Variants in ZNF485 observed in about 807,000 individuals in gnomAD.
ZNF485 encodes the protein Zinc finger protein 93 (Zinc finger protein HTF34).
A neutral mutation model predicts 10.8 loss-of-function variants in ZNF485; 9 were observed. The observed-to-expected ratio is 0.83, with a 90% CI of 0.50 to 1.45. The LOEUF is 1.45. ZNF485 is among the 40% of genes most tolerant of loss of function. The pLI, the probability that ZNF485 is intolerant of heterozygous loss-of-function variation, is 0.00. For synonymous variants in ZNF485, 187 were observed against 181.0 expected (o/e 1.03, Z -0.27); for missense variants, 487 against 528.0 (o/e 0.92, Z 0.76).
At chr10:43,615,063 T>C (rs1838828977) in intron 4 of ZNF485, among the ~76,000 whole-genome samples, 1 of 152,258 alleles carries the variant, frequency 6.6e-6, no homozygotes, top group South Asian at 2.1e-4. Context: ...GGGCTGTTTC[T>C]GACTGGGCTT....
rs763719589 is a variant in ZNF485 at position 43,616,637 on chromosome 10, C to G, written c.594C>G (p.His198Gln). Residue 198 changes from histidine to glutamine, a missense_variant, in exon 5 of 5, where the codon CAC (histidine) becomes CAG (glutamine). Transcript: ENST00000361807. Reference sequence around the variant, plus strand: ...AATGTGGGAAGTTCCTGAAGAAGCACTCAACGTTTATCAACCATCAGAGAA... The same window carrying G: ...AATGTGGGAAGTTCCTGAAGAAGCAGTCAACGTTTATCAACCATCAGAGAA... The part of the protein sequence containing the change: ...CIECGKFLKK[H>Q]STFINHQRIH... 1 of 1,614,194 alleles carries G rather than the reference C, an allele frequency of 6.2e-7. No homozygotes were observed. The highest frequency in any genetic ancestry group is 1.6e-4 in the Middle Eastern group (1 of 6,062).
Position 43,616,605 on chromosome 10 carries a change from T to G in ZNF485, c.562T>G (p.Cys188Gly). ...KVHAGKQPYR[C>G]IECGKFLKKH... The stretch of plus-strand genomic sequence containing the variant: ...TCATGCAGGCAAACAGCCTTATAGA[T>G]GTATTGAATGTGGGAAGTTCCTGAA... The change falls in exon 5 of 5, where the codon TGT (cysteine) becomes GGT (glycine). Residue 188 changes from cysteine to glycine, a missense_variant. Transcript: ENST00000361807. 6.2e-7 allele frequency: 1 copy of G among 1,614,240 alleles called. No homozygotes were observed. The highest frequency in any genetic ancestry group is 8.5e-7 in the Non-Finnish European group (1 of 1,180,032).
intron 4 of ZNF485, among the ~76,000 whole-genome samples, chr10:43,612,881 T>G (rs1379416099): frequency 6.6e-6 from 1 of 152,216 alleles, no homozygotes; most frequent in African/African-American, 2.4e-5. Flanking sequence ...TACTTTCTCC[T>G]AAACATTTTA....
intron 4 of ZNF485, among the ~76,000 whole-genome samples, chr10:43,612,981 A>G (rs1838793981): frequency 6.6e-6 from 1 of 152,162 alleles, no homozygotes; most frequent in Non-Finnish European, 1.5e-5. Context: ...TTTTAGTTAT[A>G]TTCAGTAGGT....
At chr10:43,607,583 C>G (rs1369818735) in intron 2 of ZNF485, among the ~76,000 whole-genome samples, 3 of 152,082 alleles carry the variant, frequency 2.0e-5, no homozygotes, top group Non-Finnish European at 2.9e-5. Flanking sequence ...CTGGAGTTTG[C>G]TTTTATCCTG....
intron 4 of ZNF485, among the ~76,000 whole-genome samples, chr10:43,615,833 C>T (rs955480860): frequency 3.3e-5 from 5 of 152,146 alleles, no homozygotes; most frequent in Non-Finnish European, 5.9e-5. Context: ...TATTGGTTCA[C>T]TCTTAAATCC....
Position 43,616,552 on chromosome 10 carries a change from GTT to G in ZNF485, c.510_511del (p.Ser171IlefsTer7), listed in dbSNP as rs1184240572. 1.2e-6 allele frequency: 2 copies of G among 1,614,094 alleles called. No individual in the cohort carries two copies. The highest frequency in any genetic ancestry group is 2.7e-5 in the African/African-American group (2 of 74,938). On this transcript the variant is annotated frameshift_variant, in exon 5 of 5. Transcript: ENST00000361807. LOFTEE classifies it low-confidence loss of function (END_TRUNC). ...GAATGTGGGATCGCCTTTATGAACA[GTT>G]CATCCCTTTTAAATCACCATAAGGT...
At position 43,608,464 on chromosome 10, in the gene ZNF485, G is replaced by A. The variant is rs569431170; in HGVS notation, c.25-150G>A. 2.8e-4 allele frequency: 284 copies of A among 1,006,456 alleles called. 3 individuals carry two copies. In the South Asian group the frequency reaches 4.5e-3, roughly 16 times the overall value. The allele number at this position is 1,006,456 out of a possible 1,614,324, so 62.3% of individuals were successfully genotyped here. ...GAAGAACCTGCTCAAGGGAGGAGTC[G>A]CACATCCCCTGAGCCCTCAGCTTTT... On this transcript the variant is annotated intron_variant, in intron 2 of 4. Transcript: ENST00000361807.
At position 43,616,411 on chromosome 10, in the gene ZNF485, G is replaced by A; in HGVS notation, c.368G>A (p.Arg123Lys). 5 of 1,614,186 alleles carry A rather than the reference G, an allele frequency of 3.1e-6. No homozygotes were observed. Among genetic ancestry groups the A allele is most frequent in the Middle Eastern group, 1.6e-4 (1 of 6,062 alleles). The change falls in exon 5 of 5, where the codon AGA becomes AAA. Residue 123 changes from arginine (R) to lysine (K), a missense_variant. Transcript: ENST00000361807. ...MMEKGLDWEG[R>K]SSTEKNYKCK... is the part of the protein sequence containing the mutation. ...GAAAAAGGCCTGGACTGGGAGGGCA[G>A]AAGCTCCACAGAGAAGAACTATAAG...
intron 3 of ZNF485, 99 bp from the exon 4 acceptor site, chr10:43,609,156 C>G (rs1838716016): frequency 1.1e-6 from 1 of 895,528 alleles, no homozygotes; most frequent in Admixed American, 2.3e-5. Context: ...CAAGTTGACA[C>G]TGAGGTCTGG....
Position 43,616,321 on chromosome 10 carries a change from C to T in ZNF485, c.278C>T (p.Ser93Leu). ...VEDYWFETKM[S>L]ALKQSTSEAS... ...GATTACTGGTTTGAAACAAAGATGT[C>T]AGCCCTAAAGCAAAGCACTTCTGAA... The change falls in exon 5 of 5, where the codon TCA becomes TTA. Residue 93 changes from serine (S) to leucine (L), a missense_variant. Ser to Leu is a moderately radical substitution (Grantham distance 145, BLOSUM62 -2). Transcript: ENST00000361807. 1 of 1,575,278 alleles carries T rather than the reference C, an allele frequency of 6.3e-7. No individual in the cohort carries two copies. Among genetic ancestry groups the T allele is most frequent in the South Asian group, 1.2e-5 (1 of 86,192 alleles).
At chr10:43,609,759 A>C (rs567007322) in intron 4 of ZNF485, among the ~76,000 whole-genome samples, 36 of 152,130 alleles carry the variant, frequency 2.4e-4, no homozygotes, top group Admixed American at 2.4e-3. Flanking sequence ...CTGCAACCTC[A>C]AAGTCTGGAC....
intron 1 of ZNF485, 37 bp from the exon 2 acceptor site, chr10:43,606,960 C>T (rs1283789196): frequency 6.6e-7 from 1 of 1,510,334 alleles, no homozygotes. Context: ...GGCTAGGGCA[C>T]GGAGGGACTT....
chr10:43,616,290 G>T lies in ZNF485; in HGVS notation c.248-1G>T, dbSNP rs759664532. 22 of 1,549,578 alleles carry T rather than the reference G, an allele frequency of 1.4e-5. No individual in the cohort carries two copies. Among genetic ancestry groups the T allele is most frequent in the Non-Finnish European group, 1.7e-5 (20 of 1,152,178 alleles). ...TTTGAATTTTTAAAATTTTCTTTCAGTCGAGGATTACTGGTTTGAAACAAA... is the reference window on the plus strand; with the variant it reads ...TTTGAATTTTTAAAATTTTCTTTCATTCGAGGATTACTGGTTTGAAACAAA... On this transcript the variant is annotated splice_acceptor_variant, in intron 4 of 4. Transcript: ENST00000361807. LOFTEE classifies it high-confidence loss of function.
chr10:43,608,545 T>C, intron 2 of ZNF485, 69 bp from the exon 3 acceptor site: 1 of 1,540,422 alleles, frequency 6.5e-7, no homozygotes, highest in South Asian at 1.2e-5. Flanking sequence ...TTTGACCACC[T>C]TGCTTCCTTC....
chr10:43,611,385 C>T (rs913223041), intron 4 of ZNF485, among the ~76,000 whole-genome samples: 2 of 151,952 alleles, frequency 1.3e-5, no homozygotes, highest in Non-Finnish European at 1.5e-5. Flanking sequence ...TTTTTGATGC[C>T]TGCATAGTGT....
At chr10:43,606,583 G>A (rs1367047454) in intron 1 of ZNF485, 37 bp downstream of exon 1, 10 of 289,096 alleles carry the variant, frequency 3.5e-5, no homozygotes, top group Non-Finnish European at 6.5e-5. Flanking sequence ...GGTCCCTGAA[G>A]CCTCGAGCCC....
rs747352472 is a variant in ZNF485, at chr10:43,616,934, A to G, written c.891A>G (p.Pro297=). Residue 297 remains proline, a synonymous_variant, in exon 5 of 5, where the codon CCA becomes CCG. Transcript: ENST00000361807. Reference sequence around the variant, plus strand: ...AGAAAATCCATACTGGTGAGAAGCCATATCAGTGTAATGAATGTGGAAAAG... The same window carrying G: ...AGAAAATCCATACTGGTGAGAAGCCGTATCAGTGTAATGAATGTGGAAAAG... ...EHQKIHTGEK[P]YQCNECGKAF... 11 of 1,614,154 alleles carry G rather than the reference A, an allele frequency of 6.8e-6. No homozygotes were observed. The highest frequency in any genetic ancestry group is 9.3e-6 in the Non-Finnish European group (11 of 1,180,044).
rs1838890283 is a variant in ZNF485 at position 43,617,564 on chromosome 10, C to A, written c.*195C>A. 2 of 503,882 alleles carry A rather than the reference C, an allele frequency of 4.0e-6. No homozygotes were observed. Among genetic ancestry groups the A allele is most frequent in the Non-Finnish European group, 6.9e-6 (2 of 290,008 alleles). 31.2% of individuals were successfully genotyped at this position (503,882 alleles called of 1,614,324 possible). ...TCAGTATGGAAGTAGTTATAGCATACTGTGTGCTAATTGAAAAGAATGAGG... is the reference window on the plus strand; with the variant it reads ...TCAGTATGGAAGTAGTTATAGCATAATGTGTGCTAATTGAAAAGAATGAGG... On this transcript the variant is annotated 3_prime_UTR_variant, in exon 5 of 5. Transcript: ENST00000361807.
Sources: gnomAD v4.1 joint callset for allele counts (sites outside exome capture counted in the v4.1 genomes callset) on GRCh38, gnomAD v4.1.1 for gene constraint, MANE v1.5 for transcripts, NCBI Gene and HGNC (gene_info 2026-07-23, HGNC 2026-07-21) for gene names.